The following RGL1 variants were observed in gnomAD, a reference collection of about 807,000 sequenced individuals.
RGL1 encodes ral guanine nucleotide dissociation stimulator-like 1.
A neutral mutation model predicts 95.2 loss-of-function variants in RGL1; 24 were observed. That is an observed-to-expected ratio of 0.25 (90% CI 0.18 to 0.35). The LOEUF is 0.35. Among genes scored for constraint, RGL1 ranks in the 10% least tolerant of loss-of-function variants. The pLI is 1.00. For synonymous variants in RGL1, 329 were observed against 344.9 expected (o/e 0.95, Z 0.51); for missense variants, 715 against 936.3 (o/e 0.76, Z 3.08).
intron 2 of RGL1, among the ~76,000 whole-genome samples, chr1:183,799,660 T>C (rs1245509817): frequency 6.6e-6 from 1 of 152,234 alleles, no homozygotes; most frequent in Non-Finnish European, 1.5e-5. Context: ...GTTGGTTCGT[T>C]TGCTGTTGAG....
chr1:183,681,603 C>T (rs1283779238), intron 1 of RGL1, among the ~76,000 whole-genome samples: 5 of 152,104 alleles, frequency 3.3e-5, no homozygotes, highest in African/African-American at 9.7e-5. Context: ...ATTTTTGCAT[C>T]GATGTTCATC....
In RGL1 at chr1:183,660,822, G is replaced by A. The variant is rs538100044; in HGVS notation, c.-33+24321G>A. 3.3e-5 allele frequency among the ~76,000 whole-genome samples: 5 copies of A among 152,200 alleles called. No individual in the cohort carries two copies. In the South Asian group the frequency reaches 1.0e-3, roughly 32 times the overall value. ...CATAGTTGGAAGTAAGCTCTCCTCA[G>A]CAAATGTAAAAGATCAGAAATTATA... is the stretch of plus-strand genomic sequence containing the variant. On this transcript the variant is annotated intron_variant, in intron 1 of 18. Coordinates refer to the RGL1 transcript ENST00000304685.
chr1:183,823,355 T>C (rs1662626775), intron 2 of RGL1, among the ~76,000 whole-genome samples: 2 of 151,992 alleles, frequency 1.3e-5, no homozygotes, highest in South Asian at 4.1e-4. Context: ...AAATTAAATA[T>C]AGAAAATATT....
chr1:183,840,505 T>G (rs2491437), intron 2 of RGL1, among the ~76,000 whole-genome samples: 121,388 of 151,856 alleles, frequency 0.8, 48,668 homozygotes, highest in Middle Eastern at 0.88. Flanking sequence ...TCATGACTTT[T>G]TTAATGCTTG....
intron 2 of RGL1, among the ~76,000 whole-genome samples, chr1:183,758,168 G>A (rs1370481128): frequency 6.6e-6 from 1 of 151,940 alleles, no homozygotes; most frequent in Non-Finnish European, 1.5e-5. Flanking sequence ...CAATGAAATA[G>A]CACAGACTGG....
intron 2 of RGL1, among the ~76,000 whole-genome samples, chr1:183,844,235 T>G (rs896866414): frequency 3.3e-5 from 5 of 152,358 alleles, no homozygotes; most frequent in African/African-American, 1.2e-4. Flanking sequence ...CTGACATTTT[T>G]GTATTAATAA....
chr1:183,878,789 G>C (rs988141728), intron 4 of RGL1, among the ~76,000 whole-genome samples: 3 of 152,106 alleles, frequency 2.0e-5, no homozygotes, highest in Non-Finnish European at 4.4e-5. Flanking sequence ...GTGAAACACT[G>C]TCTTGTTGTT....
chr1:183,769,471 A>G (rs999219318), intron 2 of RGL1, among the ~76,000 whole-genome samples: 6 of 152,388 alleles, frequency 3.9e-5, no homozygotes, highest in African/African-American at 1.2e-4. Flanking sequence ...AAAGATTTAC[A>G]TAAGTCACAT....
chr1:183,688,829 T>C (rs2102104189), intron 1 of RGL1, among the ~76,000 whole-genome samples: 1 of 152,304 alleles, frequency 6.6e-6, no homozygotes, highest in Non-Finnish European at 1.5e-5. Context: ...AGATGCAATA[T>C]GTGAATCATA....
chr1:183,897,742 C>A, intron 9 of RGL1, 66 bp from the exon 10 acceptor site: 2 of 1,198,268 alleles, frequency 1.7e-6, no homozygotes, highest in East Asian at 2.3e-5. Flanking sequence ...AAACTAGATG[C>A]CTCTTTACTT....
intron 1 of RGL1, among the ~76,000 whole-genome samples, chr1:183,692,264 T>C: frequency 6.6e-6 from 1 of 152,244 alleles, no homozygotes; most frequent in South Asian, 2.1e-4. Context: ...TGGCCATTCC[T>C]AAGTCTTGGG....
At chr1:183,874,656 C>T (rs754728400) in intron 4 of RGL1, among the ~76,000 whole-genome samples, 4 of 152,112 alleles carry the variant, frequency 2.6e-5, no homozygotes, top group Non-Finnish European at 5.9e-5. Context: ...GTATTTGAAT[C>T]CCTGTTTACC....
At chr1:183,665,024 A>T (rs530650014) in intron 1 of RGL1, among the ~76,000 whole-genome samples, 36 of 152,256 alleles carry the variant, frequency 2.4e-4, no homozygotes, top group African/African-American at 8.4e-4. Context: ...TAGATTTTTT[A>T]AAAATCAAGG....
At chr1:183,827,642 G>A (rs772159513) in intron 2 of RGL1, among the ~76,000 whole-genome samples, 53 of 152,350 alleles carry the variant, frequency 3.5e-4, no homozygotes, top group Non-Finnish European at 5.6e-4. Flanking sequence ...TTCAAGAGGC[G>A]TAGCCTGACC....
At chr1:183,644,640 A>G (rs1315416382) in intron 1 of RGL1, among the ~76,000 whole-genome samples, 1 of 152,034 alleles carries the variant, frequency 6.6e-6, no homozygotes, top group Non-Finnish European at 1.5e-5. Flanking sequence ...CTTTCCTTTT[A>G]AAATTTATTT....
chr1:183,900,875 G>C (rs1667975232), intron 11 of RGL1, among the ~76,000 whole-genome samples: 1 of 151,716 alleles, frequency 6.6e-6, no homozygotes, highest in African/African-American at 2.4e-5. Flanking sequence ...GTTTGAACAA[G>C]ACTTTAAGGC....
chr1:183,787,705 AGGGGGTGTTT>A, intron 2 of RGL1, among the ~76,000 whole-genome samples: 1 of 151,918 alleles, frequency 6.6e-6, no homozygotes, highest in East Asian at 1.9e-4. Flanking sequence ...GAGGCTTAAC[AGGGGGTGTTT>A]GGGTCATGGG....
At chr1:183,648,241 A>G (rs755338572) in intron 1 of RGL1, 1 of 1,614,226 alleles carries the variant, frequency 6.2e-7, no homozygotes, top group South Asian at 1.1e-5. Flanking sequence ...ACCCGCGGCC[A>G]TAAGCTGGCC....
chr1:183,774,750 A>G (rs1221169716), intron 2 of RGL1, among the ~76,000 whole-genome samples: 2 of 151,478 alleles, frequency 1.3e-5, no homozygotes, highest in African/African-American at 4.9e-5. Flanking sequence ...TAATTTTTGT[A>G]TCTTTAGTAG....
Sources: allele counts gnomAD v4.1 joint callset (sites outside exome capture counted in the v4.1 genomes callset), GRCh38; gene constraint gnomAD v4.1.1; transcripts MANE v1.5; gene names NCBI Gene and HGNC (gene_info 2026-07-23, HGNC 2026-07-21).